APAF1: variants seen among roughly 807,000 people sequenced by gnomAD.
APAF1 encodes apoptotic peptidase activating factor 1, also known as apoptotic protease-activating factor 1.
In APAF1, 91 loss-of-function variants were observed where a neutral mutation model predicts 152.4. The ratio of observed to expected loss-of-function variants is 0.60; its 90% CI spans 0.50 to 0.71. The LOEUF is 0.71. Among genes scored for constraint, APAF1 ranks in the 30% least tolerant of loss-of-function variants. APAF1 has a pLI of 0.00. For synonymous variants in APAF1, 484 were observed against 494.1 expected (o/e 0.98, Z 0.27); for missense variants, 1,283 against 1,472.0 (o/e 0.87, Z 2.10).
At chr12:98,665,812 C>T (rs746614623) in intron 8 of APAF1, 21 bp downstream of exon 8, 39 of 1,504,608 alleles carry the variant, frequency 2.6e-5, no homozygotes, top group Non-Finnish European at 3.4e-5. Flanking sequence ...CAATGATCCT[C>T]ATCATTGGGT....
At position 98,674,101 on chromosome 12, in the gene APAF1, C is replaced by A. The variant is rs74585090; in HGVS notation, c.1793+2382C>A. On this transcript the variant is annotated intron_variant, in intron 12 of 26. Transcript: ENST00000551964. ...GCCTTGACCTCTTGGGCTCAAGCAA[C>A]CCTCCTGCTTCAACCTCCTGAGTAG... Among the ~76,000 whole-genome samples, 849 of 152,094 alleles carry A rather than the reference C, an allele frequency of 5.6e-3. 6 individuals carry two copies. Among genetic ancestry groups the A allele is most frequent in the Non-Finnish European group, 8.3e-3 (566 of 67,978 alleles).
At chr12:98,659,677 G>A (rs577610969) in intron 5 of APAF1, among the ~76,000 whole-genome samples, 30 of 150,606 alleles carry the variant, frequency 2.0e-4, no homozygotes, top group Admixed American at 6.6e-4. Flanking sequence ...GCTTGAACCC[G>A]GGAGGCAGAG....
At chr12:98,727,057 A>G in intron 25 of APAF1, 116 bp from the exon 26 acceptor site, 1 of 944,402 alleles carries the variant, frequency 1.1e-6, no homozygotes, top group East Asian at 2.7e-5. Context: ...AGGGTTGTTT[A>G]TAATAAAGTC....
rs1593011321 is a variant in APAF1, at chr12:98,648,275, A to G, written c.-41-44A>G. On this transcript the variant is annotated intron_variant, in intron 1 of 26. Coordinates refer to ENST00000551964, the MANE Select transcript of APAF1 (RefSeq NM_181861.2). ...TATTAGTGAGATTATGTATCTTTTC[A>G]TATTTTTATTGGCCTGACAAATATT... The G allele has an allele frequency of 1.6e-5, 24 of 1,495,960 alleles. No individual in the cohort carries two copies. In the South Asian group the frequency reaches 2.3e-4, roughly 14 times the overall value. The allele number at this position is 1,495,960 out of a possible 1,614,324, so 92.7% of individuals were successfully genotyped here. A position where few individuals can be genotyped will look rare whatever the true frequency, so the allele number is the denominator to read the frequency against.
chr12:98,653,672 AAAAAAAAAAAAAAAAAAAAATATAT>A (rs2097651830), intron 4 of APAF1, among the ~76,000 whole-genome samples: 1 of 53,420 alleles, frequency 1.9e-5, no homozygotes, highest in African/African-American at 6.4e-5. Context: ...AAAAAAAAAA[AAAAAAAAAAAAAAAAAAAAATATAT>A]ATATATATAT....
At chr12:98,693,857 A>G (rs2097707043) in intron 16 of APAF1, among the ~76,000 whole-genome samples, 1 of 144,348 alleles carries the variant, frequency 6.9e-6, no homozygotes, top group Admixed American at 7.2e-5. Flanking sequence ...AATCTCCTCT[A>G]GCTTCCTAAG....
At chr12:98,650,073 A>T (rs1436967287) in intron 4 of APAF1, among the ~76,000 whole-genome samples, 1 of 152,178 alleles carries the variant, frequency 6.6e-6, no homozygotes, top group Non-Finnish European at 1.5e-5. Context: ...CATCAGGAAT[A>T]GTTGTATAGC....
intron 1 of APAF1, among the ~76,000 whole-genome samples, chr12:98,647,095 GAA>G (rs531266999): frequency 2.3e-3 from 356 of 152,114 alleles, no homozygotes; most frequent in African/African-American, 7.8e-3. Flanking sequence ...TTTATTGTAA[GAA>G]ATGATAATGT....
At position 98,671,582 on chromosome 12, in the gene APAF1, A is replaced by T; in HGVS notation, c.1656A>T (p.Gly552=). The T allele has an allele frequency of 6.2e-7, 1 of 1,614,032 alleles. No homozygotes were observed. Among genetic ancestry groups the T allele is most frequent in the Non-Finnish European group, 8.5e-7 (1 of 1,179,994 alleles). The change falls in exon 12 of 27, where the codon GGA becomes GGT. Residue 552 remains glycine (G), a synonymous_variant. Transcript: ENST00000551964. ...ENFQEFLSLN[G]HLLGRQPFPN... is the part of the protein sequence containing the mutation. Reference sequence around the variant, plus strand: ...TTCAGGAGTTTTTATCTTTAAATGGACACCTTCTTGGACGACAGCCATTTC... The same window carrying T: ...TTCAGGAGTTTTTATCTTTAAATGGTCACCTTCTTGGACGACAGCCATTTC...
At chr12:98,715,640 T>C (rs2097733940) in intron 22 of APAF1, 88 bp downstream of exon 22, 1 of 1,461,990 alleles carries the variant, frequency 6.8e-7, no homozygotes, top group East Asian at 2.3e-5. Context: ...GTGTATATTT[T>C]AAACACATTA....
intron 4 of APAF1, among the ~76,000 whole-genome samples, chr12:98,650,633 A>G (rs1305862757): frequency 6.6e-6 from 1 of 152,146 alleles, no homozygotes; most frequent in Non-Finnish European, 1.5e-5. Context: ...ATGTGTACAC[A>G]TGGCCTCAGT....
chr12:98,696,809 C>T (rs2097710460), intron 16 of APAF1, among the ~76,000 whole-genome samples: 1 of 152,102 alleles, frequency 6.6e-6, no homozygotes, highest in African/African-American at 2.4e-5. Flanking sequence ...AGTAATCAGT[C>T]TTTTCACTTA....
At chr12:98,673,471 T>C (rs1178653505) in intron 12 of APAF1, among the ~76,000 whole-genome samples, 1 of 151,140 alleles carries the variant, frequency 6.6e-6, no homozygotes, top group Admixed American at 6.6e-5. Flanking sequence ...AAAAAAACCT[T>C]GGGTCTGCCT....
intron 9 of APAF1, 100 bp downstream of exon 9, chr12:98,666,457 G>A: frequency 8.7e-7 from 1 of 1,155,766 alleles, no homozygotes; most frequent in Non-Finnish European, 1.2e-6. Context: ...CTGTGCATAA[G>A]TCCTTCACCT....
intron 5 of APAF1, 99 bp from the exon 6 acceptor site, chr12:98,662,357 T>G: frequency 2.2e-6 from 2 of 898,590 alleles, no homozygotes; most frequent in South Asian, 3.0e-5. Flanking sequence ...TAAAAAAAAT[T>G]TAATTTGGTA....
intron 16 of APAF1, among the ~76,000 whole-genome samples, chr12:98,687,240 G>A (rs1433995025): frequency 6.6e-6 from 1 of 151,984 alleles, no homozygotes; most frequent in African/African-American, 2.4e-5. Context: ...GTGAGTGCCT[G>A]TAATCCCAGC....
At chr12:98,711,789 G>A (rs2097728156) in intron 20 of APAF1, among the ~76,000 whole-genome samples, 1 of 152,170 alleles carries the variant, frequency 6.6e-6, no homozygotes, top group South Asian at 2.1e-4. Flanking sequence ...CACAAATTAT[G>A]CTTATGAGTT....
At position 98,699,541 on chromosome 12, in the gene APAF1, TA is replaced by T. The variant is rs1378207959; in HGVS notation, c.2440del (p.Met814TrpfsTer51). 3.1e-6 allele frequency: 5 copies of T among 1,614,084 alleles called. No individual in the cohort carries two copies. Among genetic ancestry groups the T allele is most frequent in the Non-Finnish European group, 2.5e-6 (3 of 1,180,020 alleles). On this transcript the variant is annotated frameshift_variant, in exon 17 of 27. Transcript: ENST00000551964. LOFTEE classifies it high-confidence loss of function. ...TCGTGGTCTGCTGATGGTGCAAGGA[TA>T]ATGGTGGCAGCAAAAAATAAAATCT... Reference protein sequence around the residue: ...CCSWSADGARIMVAAKNKIFL... With the variant: ...CCSWSADGARXMVAAKNKIFL...
intron 15 of APAF1, among the ~76,000 whole-genome samples, chr12:98,685,977 C>T (rs986731865): frequency 9.9e-5 from 15 of 152,156 alleles, no homozygotes; most frequent in African/African-American, 3.6e-4. Flanking sequence ...TATGTCATTT[C>T]ACCCAAAATA....
Sources: allele counts gnomAD v4.1 joint callset (sites outside exome capture counted in the v4.1 genomes callset), GRCh38; gene constraint gnomAD v4.1.1; transcripts MANE v1.5; gene names NCBI Gene and HGNC (gene_info 2026-07-23, HGNC 2026-07-21).